Variants in LANCL2 observed in about 807,000 individuals in gnomAD.
LANCL2 encodes the protein LanC like glutathione S-transferase 2.
Under a neutral mutation model 56.9 loss-of-function variants are expected in LANCL2, and 33 were observed. The observed-to-expected ratio is 0.58, with a 90% CI of 0.44 to 0.78. The LOEUF is 0.78. LANCL2 is among the 30% of genes least tolerant of loss of function. The probability of loss-of-function intolerance (pLI) is 0.00; values close to 1 mark genes in which losing one functional copy is unlikely to be tolerated. For synonymous variants in LANCL2, 233 were observed against 228.2 expected (o/e 1.02, Z -0.19); for missense variants, 562 against 580.2 (o/e 0.97, Z 0.32).
intron 5 of LANCL2, among the ~76,000 whole-genome samples, chr7:55,407,471 T>C (rs1247541939): frequency 6.6e-6 from 1 of 152,210 alleles, no homozygotes; most frequent in Non-Finnish European, 1.5e-5. Context: ...CCATCCATGA[T>C]GGTTAATTTT....
chr7:55,401,128 G>A (rs765165986), intron 4 of LANCL2, 46 bp from the exon 5 acceptor site: 2 of 1,538,446 alleles, frequency 1.3e-6, no homozygotes, highest in African/African-American at 1.4e-5. Flanking sequence ...ACTACAACAG[G>A]GTACATATAC....
chr7:55,401,156 G>T lies in LANCL2; in HGVS notation c.679-18G>T. Reference sequence around the variant, plus strand: ...ACATATACAGTTTTAGATTTATGCTGTCTTGTTATCTCTGTAGGTAGTCAA... The same window carrying T: ...ACATATACAGTTTTAGATTTATGCTTTCTTGTTATCTCTGTAGGTAGTCAA... On this transcript the variant is annotated intron_variant, in intron 4 of 8. Coordinates refer to ENST00000254770, the MANE Select transcript of LANCL2 (RefSeq NM_018697.4). The T allele has an allele frequency of 6.2e-7, 1 of 1,611,652 alleles. No homozygotes were observed. Among genetic ancestry groups the T allele is most frequent in the African/African-American group, 1.3e-5 (1 of 74,910 alleles).
chr7:55,402,213 T>C (rs1359408168), intron 5 of LANCL2, among the ~76,000 whole-genome samples: 7 of 136,906 alleles, frequency 5.1e-5, no homozygotes, highest in African/African-American at 1.1e-4. Flanking sequence ...GAGGCGCCCC[T>C]CACCTCCCGG....
chr7:55,425,417 A>G lies in LANCL2; in HGVS notation c.1172A>G (p.Tyr391Cys). ...YRLTQDKKYLYRACKFAEWCL... is the reference protein window; with the variant it reads ...YRLTQDKKYLCRACKFAEWCL... ...CTCACGCAGGATAAGAAGTACCTCT[A>G]CCGAGCTTGCAAGGTGAGGGTGGCT... Residue 391 changes from tyrosine to cysteine, a missense_variant, in exon 7 of 9, where the codon TAC (tyrosine) becomes TGC (cysteine). Tyr to Cys is a radical substitution (Grantham distance 194). Around this residue, in one of 2 missense-constraint regions of LANCL2, gnomAD observed 378 missense variants for 468.4 expected, o/e 0.81. Coordinates refer to ENST00000254770, the MANE Select transcript of LANCL2 (RefSeq NM_018697.4). The G allele has an allele frequency of 2.5e-6, 4 of 1,613,918 alleles. No homozygotes were observed. The highest frequency in any genetic ancestry group is 2.2e-5 in the East Asian group (1 of 44,864).
chr7:55,401,304 A>AC lies in LANCL2; in HGVS notation c.810dup (p.Tyr271LeufsTer24). ...GCAGCCCATGGCATGGCTGGAATTT[A>AC]CTATATGTTAATGCAGGTAGGTAAG... On this transcript the variant is annotated frameshift_variant, in exon 5 of 9. Coordinates refer to ENST00000254770, the MANE Select transcript of LANCL2 (RefSeq NM_018697.4). LOFTEE classifies it high-confidence loss of function. 6.2e-7 allele frequency: 1 copy of AC among 1,614,032 alleles called. No homozygotes were observed. The highest frequency in any genetic ancestry group is 8.5e-7 in the Non-Finnish European group (1 of 1,179,924).
chr7:55,407,906 C>T (rs1790427776), intron 5 of LANCL2, among the ~76,000 whole-genome samples: 1 of 152,254 alleles, frequency 6.6e-6, no homozygotes, highest in East Asian at 1.9e-4. Flanking sequence ...TTCCGCAGCC[C>T]CTCCGGTGCA....
At chr7:55,406,473 C>T (rs1354378861) in intron 5 of LANCL2, among the ~76,000 whole-genome samples, 1 of 152,144 alleles carries the variant, frequency 6.6e-6, no homozygotes, top group Non-Finnish European at 1.5e-5. Flanking sequence ...CAGAAAGCCT[C>T]ATGGGGTCAG....
chr7:55,384,733 G>T (rs1010540224), intron 1 of LANCL2, among the ~76,000 whole-genome samples: 1 of 152,118 alleles, frequency 6.6e-6, no homozygotes, highest in African/African-American at 2.4e-5. Flanking sequence ...TTTTTCGTTA[G>T]AAATCATGGA....
intron 2 of LANCL2, among the ~76,000 whole-genome samples, chr7:55,397,656 C>CTTTTTTTTTTTTTTTTTTTTTTTTTT (rs10659615): frequency 4.6e-5 from 5 of 108,852 alleles, no homozygotes; most frequent in Admixed American, 2.1e-4. Context: ...TATACTGATT[C>CTTTTTTTTTTTTTTTTTTTTTTTTTT]TTTTTTTTTT....
chr7:55,425,215 A>G (rs1243772960), intron 6 of LANCL2, 39 bp from the exon 7 acceptor site: 2 of 1,594,286 alleles, frequency 1.3e-6, no homozygotes, highest in Non-Finnish European at 8.6e-7. Context: ...CATCGTTGAA[A>G]CTGTCTTTTT....
intron 1 of LANCL2, among the ~76,000 whole-genome samples, chr7:55,386,065 A>G (rs1345152410): frequency 1.3e-5 from 2 of 152,202 alleles, no homozygotes; most frequent in Admixed American, 1.3e-4. Context: ...TTATTCCCTG[A>G]ACAATTGCTG....
chr7:55,377,545 AT>A (rs1344403890), intron 1 of LANCL2, among the ~76,000 whole-genome samples: 1 of 151,878 alleles, frequency 6.6e-6, no homozygotes, highest in Non-Finnish European at 1.5e-5. Flanking sequence ...TGATTCTAAG[AT>A]TTATTACCAT....
intron 5 of LANCL2, among the ~76,000 whole-genome samples, chr7:55,410,290 ATAAACT>A (rs1790456720): frequency 6.6e-6 from 1 of 152,258 alleles, no homozygotes; most frequent in Non-Finnish European, 1.5e-5. Flanking sequence ...CCTTTTGGAA[ATAAACT>A]TAATGACCTA....
At chr7:55,398,662 A>C (rs1195074085) in intron 3 of LANCL2, 32 bp downstream of exon 3, 1 of 1,505,276 alleles carries the variant, frequency 6.6e-7, no homozygotes, top group Non-Finnish European at 9.2e-7. Flanking sequence ...ATTTTCTCCC[A>C]ATTCCCAGTG....
rs1790731474 is a variant in LANCL2 at position 55,431,744 on chromosome 7, A to G, written c.*424A>G. 6.3e-6 allele frequency: 1 copy of G among 158,544 alleles called. No homozygotes were observed. Among genetic ancestry groups the G allele is most frequent in the Non-Finnish European group, 1.4e-5 (1 of 71,942 alleles). 9.8% of individuals were successfully genotyped at this position (158,544 alleles called of 1,614,324 possible). ...GTCTATCTTGTATATCAGAAAGATT[A>G]TCTAGGGTCTATCCTAGTGATAATA... is the stretch of plus-strand genomic sequence containing the variant. On this transcript the variant is annotated 3_prime_UTR_variant, in exon 9 of 9. Coordinates refer to ENST00000254770, the MANE Select transcript of LANCL2 (RefSeq NM_018697.4).
intron 1 of LANCL2, among the ~76,000 whole-genome samples, chr7:55,369,462 A>G (rs1467568512): frequency 6.6e-6 from 1 of 152,222 alleles, no homozygotes; most frequent in Non-Finnish European, 1.5e-5. Context: ...TCTCTGGGCC[A>G]TATTTCCATA....
At chr7:55,420,920 C>T (rs114398887) in intron 6 of LANCL2, among the ~76,000 whole-genome samples, 1 of 152,180 alleles carries the variant, frequency 6.6e-6, no homozygotes, top group East Asian at 1.9e-4. Context: ...TTTTGAGGCT[C>T]TGTTCTAATA....
At chr7:55,405,186 G>T (rs569614791) in intron 5 of LANCL2, among the ~76,000 whole-genome samples, 2 of 130,034 alleles carry the variant, frequency 1.5e-5, no homozygotes, top group South Asian at 4.9e-4. Context: ...AGACCCAGGG[G>T]AGCCAAATCC....
rs1790750002 is a variant in LANCL2 at position 55,433,093 on chromosome 7, A to G, written c.*1773A>G. 1 of 152,310 alleles carries G rather than the reference A, an allele frequency of 6.6e-6. No individual in the cohort carries two copies. Among genetic ancestry groups the G allele is most frequent in the African/African-American group, 2.4e-5 (1 of 41,424 alleles). 9.4% of individuals were successfully genotyped at this position (152,310 alleles called of 1,614,324 possible). On this transcript the variant is annotated 3_prime_UTR_variant, in exon 9 of 9. Coordinates refer to ENST00000254770, the MANE Select transcript of LANCL2 (RefSeq NM_018697.4). ...CACTCAGTAGAGGTCCTGCCTCCCCATTTCTCAAGGGAAGCCAGTAGGCAA... is the reference window on the plus strand; with the variant it reads ...CACTCAGTAGAGGTCCTGCCTCCCCGTTTCTCAAGGGAAGCCAGTAGGCAA...
Sources: gnomAD v4.1 joint callset for allele counts (sites outside exome capture counted in the v4.1 genomes callset) on GRCh38, gnomAD v4.1.1 for gene constraint, gnomAD v4.1.1 regional missense constraint, MANE v1.5 for transcripts, NCBI Gene and HGNC (gene_info 2026-07-23, HGNC 2026-07-21) for gene names.